The following IQCM variants were observed in gnomAD, a reference collection of about 807,000 sequenced individuals.
IQCM encodes IQ domain-containing protein M.
IQCM carries 45 observed loss-of-function variants against 57.6 expected under a neutral mutation model. The observed-to-expected ratio is 0.78, with a 90% CI of 0.62 to 1.00. The LOEUF is 1.00. Among genes scored for constraint, IQCM ranks in the 50% least tolerant of loss-of-function variants. The pLI is 0.00. For missense variants in IQCM, 468 were observed against 511.6 expected, an observed-to-expected ratio of 0.91 and a Z score of 0.82; for synonymous variants, 148 against 158.9, an observed-to-expected ratio of 0.93 and a Z score of 0.51.
At chr4:149,356,215 G>A (rs1728966929) in intron 13 of IQCM, among the ~76,000 whole-genome samples, 2 of 152,092 alleles carry the variant, frequency 1.3e-5, no homozygotes, top group South Asian at 2.1e-4. Context: ...TCTGATGGTG[G>A]TTTCTTTTGC....
At chr4:149,549,379 G>A (rs541193280) in intron 11 of IQCM, among the ~76,000 whole-genome samples, 62 of 151,422 alleles carry the variant, frequency 4.1e-4, no homozygotes, top group Non-Finnish European at 6.7e-4. Context: ...TTAGCCGGGC[G>A]TAGTGGCGGG....
chr4:149,651,844 C>T (rs1302818982), intron 7 of IQCM, among the ~76,000 whole-genome samples: 3 of 152,218 alleles, frequency 2.0e-5, no homozygotes, highest in African/African-American at 7.2e-5. Flanking sequence ...TGCTTTTACA[C>T]TGTTGGTGGG....
At chr4:149,371,601 T>G (rs1245078715) in intron 13 of IQCM, among the ~76,000 whole-genome samples, 1 of 152,208 alleles carries the variant, frequency 6.6e-6, no homozygotes, top group African/African-American at 2.4e-5. Context: ...AGAACTGATA[T>G]GGACCTCGGA....
chr4:149,680,945 A>G (rs1253308804), intron 7 of IQCM, among the ~76,000 whole-genome samples: 1 of 151,384 alleles, frequency 6.6e-6, no homozygotes, highest in East Asian at 1.9e-4. Context: ...AACTAAAGCT[A>G]TGAGAATTGC....
At chr4:149,554,633 A>G (rs1273140109) in intron 10 of IQCM, among the ~76,000 whole-genome samples, 1 of 150,392 alleles carries the variant, frequency 6.6e-6, no homozygotes, top group Non-Finnish European at 1.5e-5. Flanking sequence ...TCCATTCTAC[A>G]AGATTTTTTG....
chr4:149,598,881 G>A (rs1403640193), intron 8 of IQCM, among the ~76,000 whole-genome samples: 1 of 152,166 alleles, frequency 6.6e-6, no homozygotes, highest in South Asian at 2.1e-4. Context: ...GATTATAGGA[G>A]TTGGTGGAGT....
intron 5 of IQCM, among the ~76,000 whole-genome samples, chr4:149,689,620 C>A (rs968225558): frequency 1.3e-4 from 20 of 151,998 alleles, no homozygotes; most frequent in Non-Finnish European, 2.8e-4. Flanking sequence ...GCAAAAGGAA[C>A]AGTCAGCAGA....
chr4:149,658,673 C>G (rs906722602), intron 7 of IQCM, among the ~76,000 whole-genome samples: 2 of 151,990 alleles, frequency 1.3e-5, no homozygotes, highest in Non-Finnish European at 2.9e-5. Flanking sequence ...GTTTTGAAGT[C>G]TTCAATGAAG....
intron 7 of IQCM, among the ~76,000 whole-genome samples, chr4:149,638,581 C>A (rs543517772): frequency 1.3e-5 from 2 of 152,170 alleles, no homozygotes; most frequent in East Asian, 3.9e-4. Context: ...GAATGAATTA[C>A]TGATATATGC....
At chr4:149,458,407 A>C (rs977171941) in intron 12 of IQCM, among the ~76,000 whole-genome samples, 2 of 152,094 alleles carry the variant, frequency 1.3e-5, no homozygotes, top group African/African-American at 4.8e-5. Flanking sequence ...CCAGTAAGTA[A>C]ATTTAGAGCC....
chr4:149,357,369 TTGGCTGTGGGTTTGTCATTGA>T (rs2110891715), intron 13 of IQCM, among the ~76,000 whole-genome samples: 1 of 152,306 alleles, frequency 6.6e-6, no homozygotes, highest in Non-Finnish European at 1.5e-5. Context: ...CAGTATGATA[TTGGCTGTGGGTTTGTCATTGA>T]TAGCTCTTAT....
intron 6 of IQCM, among the ~76,000 whole-genome samples, chr4:149,683,189 T>A (rs1762308807): frequency 6.6e-6 from 1 of 151,256 alleles, no homozygotes; most frequent in African/African-American, 2.4e-5. Flanking sequence ...ACCAGTGTTC[T>A]TCTGTGGGAT....
chr4:149,441,358 C>G (rs1735922468), intron 12 of IQCM, among the ~76,000 whole-genome samples: 1 of 152,030 alleles, frequency 6.6e-6, no homozygotes, highest in African/African-American at 2.4e-5. Context: ...TCACAAAATA[C>G]CTTGATGAGA....
At chr4:149,659,649 C>G (rs1436231761) in intron 7 of IQCM, among the ~76,000 whole-genome samples, 1 of 152,082 alleles carries the variant, frequency 6.6e-6, no homozygotes, top group Non-Finnish European at 1.5e-5. Flanking sequence ...ATCAATGGAA[C>G]AGAACAGAGC....
chr4:149,491,226 T>C (rs1742062315), intron 12 of IQCM, among the ~76,000 whole-genome samples: 1 of 152,134 alleles, frequency 6.6e-6, no homozygotes, highest in Non-Finnish European at 1.5e-5. Context: ...ATACGTATAC[T>C]TTATGGAATA....
Position 149,582,307 on chromosome 4 carries a change from C to T in IQCM, c.749+5623G>A, listed in dbSNP as rs941759497. Reference sequence around the variant, plus strand: ...GTCAATCCAATGAAGATGCTGTAGACATATATATATATATATATATATATA... The same window carrying T: ...GTCAATCCAATGAAGATGCTGTAGATATATATATATATATATATATATATA... On this transcript the variant is annotated intron_variant, in intron 9 of 13. Transcript: ENST00000636793. 2.2e-4 allele frequency among the ~76,000 whole-genome samples: 19 copies of T among 88,178 alleles called. No individual in the cohort carries two copies. In the East Asian group the frequency reaches 7.0e-3, roughly 32 times the overall value. The allele number at this position is 88,178 out of a possible 152,430, so 57.8% of individuals were successfully genotyped here. A position where few individuals can be genotyped will look rare whatever the true frequency, so the allele number is the denominator to read the frequency against.
intron 12 of IQCM, among the ~76,000 whole-genome samples, chr4:149,496,734 G>T (rs1219664990): frequency 2.6e-5 from 4 of 152,136 alleles, no homozygotes; most frequent in Non-Finnish European, 5.9e-5. Context: ...CATTATGTTT[G>T]TAGTAACTTG....
chr4:149,608,853 A>C (rs1755024995), intron 8 of IQCM, among the ~76,000 whole-genome samples: 1 of 151,836 alleles, frequency 6.6e-6, no homozygotes, highest in South Asian at 2.1e-4. Context: ...GAACAAGAAA[A>C]GCAAGAACAA....
chr4:149,695,791 A>C (rs966067207), intron 5 of IQCM, among the ~76,000 whole-genome samples: 3 of 152,096 alleles, frequency 2.0e-5, no homozygotes, highest in African/African-American at 7.2e-5. Flanking sequence ...AAAACCATAG[A>C]CAAGATTTTG....
Sources: allele counts gnomAD v4.1 joint callset (sites outside exome capture counted in the v4.1 genomes callset), GRCh38; gene constraint gnomAD v4.1.1; transcripts MANE v1.5; gene names NCBI Gene and HGNC (gene_info 2026-07-23, HGNC 2026-07-21).